DHX38: variants seen among roughly 807,000 people sequenced by gnomAD.
DHX38 encodes the protein DEAH-box helicase 38.
In DHX38, 100 loss-of-function variants were observed where a neutral mutation model predicts 153.1. The ratio of observed to expected loss-of-function variants is 0.65; its 90% CI spans 0.56 to 0.77. The LOEUF (loss-of-function observed/expected upper bound fraction) is 0.77. Among genes scored for constraint, DHX38 ranks in the 30% least tolerant of loss-of-function variants. The pLI is 0.00. For synonymous variants in DHX38, 650 were observed against 631.7 expected (o/e 1.03, Z -0.43); for missense variants, 1,440 against 1,654.0 (o/e 0.87, Z 2.24).
chr16:72,101,663 C>A (rs1165374919), intron 11 of DHX38, 51 bp downstream of exon 11: 4 of 1,482,996 alleles, frequency 2.7e-6, no homozygotes, highest in Non-Finnish European at 3.7e-6. Context: ...AGATGGGGGC[C>A]CATGTGGGCA....
At chr16:72,101,428 C>T in intron 10 of DHX38, 72 bp from the exon 11 acceptor site, 2 of 1,447,942 alleles carry the variant, frequency 1.4e-6, no homozygotes, top group Non-Finnish European at 1.9e-6. Context: ...AGTCTGCTCT[C>T]CCGTGGGATT....
At chr16:72,103,285 C>T in intron 12 of DHX38, 74 bp downstream of exon 12, 2 of 1,551,740 alleles carry the variant, frequency 1.3e-6, no homozygotes, top group Non-Finnish European at 8.7e-7. Context: ...TACCCAGGAG[C>T]TCTTTTTCTT....
Position 72,107,892 on chromosome 16 carries a change from A to G in DHX38, c.2964+93A>G. On this transcript the variant is annotated intron_variant, in intron 21 of 26. Transcript: ENST00000268482. The surrounding 1 kb of genome is among the most constrained non-coding windows in gnomAD (Gnocchi z 5.3). ...TCTCTGTATTACTGAAATGGAACAG[A>G]GGGCAGAATCAGAGTTTCTGAAGAA... 6.7e-7 allele frequency: 1 copy of G among 1,490,478 alleles called. No homozygotes were observed. Among genetic ancestry groups the G allele is most frequent in the East Asian group, 2.3e-5 (1 of 43,358 alleles). The allele number at this position is 1,490,478 out of a possible 1,614,324, so 92.3% of individuals were successfully genotyped here. A position where few individuals can be genotyped will look rare whatever the true frequency, so the allele number is the denominator to read the frequency against.
At chr16:72,108,746 G>A in intron 23 of DHX38, 54 bp from the exon 24 acceptor site, 4 of 1,601,086 alleles carry the variant, frequency 2.5e-6, no homozygotes, top group Non-Finnish European at 2.6e-6. Context: ...TGGGGTCGCT[G>A]CCCAAATGGG....
At position 72,112,483 on chromosome 16, in the gene DHX38, C is replaced by G. The variant is rs753324635; in HGVS notation, c.3670C>G (p.Arg1224Gly). The part of the protein sequence containing the change: ...EPMTPRRTPA[R>G]FGL ...CATGACCCCTCGCCGCACGCCAGCC[C>G]GCTTTGGTCTGTGAGCTGAGGCTGT... Residue 1224 changes from arginine (R) to glycine (G), a missense_variant, in exon 27 of 27, where the codon CGC becomes GGC. This residue lies in a region of DHX38 where 75 missense variants were observed against 69.5 expected (regional missense o/e 1.08). Coordinates refer to ENST00000268482, the MANE Select transcript of DHX38 (RefSeq NM_014003.4). The G allele has an allele frequency of 1.2e-6, 2 of 1,612,216 alleles. No individual in the cohort carries two copies. Among genetic ancestry groups the G allele is most frequent in the South Asian group, 2.2e-5 (2 of 91,084 alleles).
Position 72,107,900 on chromosome 16 carries a change from A to G in DHX38, c.2964+101A>G, listed in dbSNP as rs1048582916. The stretch of plus-strand genomic sequence containing the variant: ...TTACTGAAATGGAACAGAGGGCAGA[A>G]TCAGAGTTTCTGAAGAATGATTTTG... On this transcript the variant is annotated intron_variant, in intron 21 of 26. Coordinates refer to ENST00000268482, the MANE Select transcript of DHX38 (RefSeq NM_014003.4). This position sits in a 1 kb window ranked among gnomAD's most constrained non-coding sequence, Gnocchi z 5.3. The G allele has an allele frequency of 2.3e-5, 33 of 1,454,500 alleles. No individual in the cohort carries two copies. The African/African-American group carries it at 4.1e-4, about 18-fold the overall frequency. 90.1% of individuals were successfully genotyped at this position (1,454,500 alleles called of 1,614,324 possible).
In DHX38 at chr16:72,108,292, C is replaced by T. The variant is rs771672762; in HGVS notation, c.3030C>T (p.Thr1010=). Reference sequence around the variant, plus strand: ...CTGTTCCTGAGAGCGATCATTTGACCTACCTGAATGTTTACCTGCAGTGGA... The same window carrying T: ...CTGTTCCTGAGAGCGATCATTTGACTTACCTGAATGTTTACCTGCAGTGGA... ...KFAVPESDHL[T]YLNVYLQWKN... is the part of the protein sequence containing the mutation. The change falls in exon 22 of 27, where the codon ACC becomes ACT. Residue 1010 remains threonine, a synonymous_variant. Transcript: ENST00000268482. 2.6e-5 allele frequency: 42 copies of T among 1,614,004 alleles called. No homozygotes were observed. Among genetic ancestry groups the T allele is most frequent in the South Asian group, 4.4e-5 (4 of 91,080 alleles).
Position 72,103,078 on chromosome 16 carries a change from G to C in DHX38, c.1504G>C (p.Glu502Gln). 6.2e-7 allele frequency: 1 copy of C among 1,614,212 alleles called. No individual in the cohort carries two copies. Residue 502 changes from glutamate (E) to glutamine (Q), a missense_variant, in exon 12 of 27, where the codon GAG becomes CAG. Glu to Gln is a conservative substitution (Grantham distance 29). This residue lies in a region of DHX38 where 241 missense variants were observed against 229.5 expected (regional missense o/e 1.05). Coordinates refer to ENST00000268482, the MANE Select transcript of DHX38 (RefSeq NM_014003.4). Reference sequence around the variant, plus strand: ...TAGGCTGCTGTGTGTTCCTAGGACAGAGCAGAAGTTTGCAGATCACATGAA... The same window carrying C: ...TAGGCTGCTGTGTGTTCCTAGGACACAGCAGAAGTTTGCAGATCACATGAA... ...TEDGKVDYRT[E>Q]QKFADHMKRK...
Position 72,112,484 on chromosome 16 carries a change from G to A in DHX38, c.3671G>A (p.Arg1224His), listed in dbSNP as rs369140795. The change falls in exon 27 of 27, where the codon CGC becomes CAC. Residue 1224 changes from arginine (R) to histidine (H), a missense_variant. By Grantham distance (29) the Arg-to-His change is conservative (BLOSUM62 0). Around this residue, in one of 6 missense-constraint regions of DHX38, gnomAD observed 75 missense variants for 69.5 expected, o/e 1.08. Transcript: ENST00000268482. ...ATGACCCCTCGCCGCACGCCAGCCC[G>A]CTTTGGTCTGTGAGCTGAGGCTGTC... is the stretch of plus-strand genomic sequence containing the variant. ...EPMTPRRTPA[R>H]FGL is the part of the protein sequence containing the mutation. The A allele has an allele frequency of 5.6e-5, 90 of 1,612,024 alleles. No individual in the cohort carries two copies. Among genetic ancestry groups the A allele is most frequent in the Non-Finnish European group, 6.9e-5 (81 of 1,180,036 alleles).
intron 18 of DHX38, 57 bp from the exon 19 acceptor site, chr16:72,105,948 C>A: frequency 6.5e-7 from 1 of 1,532,490 alleles, no homozygotes; most frequent in Non-Finnish European, 9.0e-7. Context: ...TGTCTCAGGC[C>A]TACTTCCACT....
Position 72,097,071 on chromosome 16 carries a change from T to C in DHX38, c.511+62T>C, listed in dbSNP as rs1597438315. The C allele has an allele frequency of 2.6e-6, 4 of 1,528,690 alleles. No individual in the cohort carries two copies. The East Asian group carries it at 6.9e-5, about 26-fold the overall frequency. The allele number at this position is 1,528,690 out of a possible 1,614,324, so 94.7% of individuals were successfully genotyped here. A position where few individuals can be genotyped will look rare whatever the true frequency, so the allele number is the denominator to read the frequency against. On this transcript the variant is annotated intron_variant, in intron 3 of 26. Transcript: ENST00000268482. ...ATTCGAATAAATGTGTCAGCCTTTTTCTTGTTGCAGGAGTTTTTGCAACAC... is the reference window on the plus strand; with the variant it reads ...ATTCGAATAAATGTGTCAGCCTTTTCCTTGTTGCAGGAGTTTTTGCAACAC...
In DHX38 at chr16:72,104,367, T is replaced by C. The variant is rs1344012579; in HGVS notation, c.2011-119T>C. On this transcript the variant is annotated intron_variant, in intron 14 of 26. Transcript: ENST00000268482. This position sits in a 1 kb window ranked among gnomAD's most constrained non-coding sequence, Gnocchi z 4.5. ...CTTCAGTCTTCATGATTGGTAAGAA[T>C]TGAATAGGCCCATTTGTCAGCTTTG... The C allele has an allele frequency of 1.9e-5, 26 of 1,400,306 alleles. No homozygotes were observed. The highest frequency in any genetic ancestry group is 2.2e-5 in the Non-Finnish European group (23 of 1,041,738). The allele number at this position is 1,400,306 out of a possible 1,614,324, so 86.7% of individuals were successfully genotyped here.
At chr16:72,108,712 G>A in intron 23 of DHX38, 88 bp from the exon 24 acceptor site, 1 of 1,590,018 alleles carries the variant, frequency 6.3e-7, no homozygotes, top group South Asian at 1.1e-5. Context: ...TTCCGCCAAA[G>A]GCTGTGTCAA....
Position 72,104,656 on chromosome 16 carries a change from C to T in DHX38, c.2151+30C>T, listed in dbSNP as rs1320299899. ...TGAGGCCACCATGTTACGAACTGAC[C>T]CTTCCATGCCACGCACTTCTCTGAT... On this transcript the variant is annotated intron_variant, in intron 15 of 26. Transcript: ENST00000268482. The surrounding 1 kb of genome is among the most constrained non-coding windows in gnomAD (Gnocchi z 4.5). 1.2e-6 allele frequency: 2 copies of T among 1,613,480 alleles called. No homozygotes were observed.
chr16:72,103,433 C>G (rs2042127473), intron 12 of DHX38, among the ~76,000 whole-genome samples, 169 bp from the exon 13 acceptor site: 1 of 152,230 alleles, frequency 6.6e-6, no homozygotes, highest in Non-Finnish European at 1.5e-5. Flanking sequence ...CCAGATGTTT[C>G]AGGTGTTATC....
chr16:72,097,531 G>T (rs1327466686), intron 3 of DHX38, 146 bp from the exon 4 acceptor site: 8 of 674,464 alleles, frequency 1.2e-5, no homozygotes, highest in Non-Finnish European at 1.8e-5. Context: ...AATGGGGATA[G>T]GTGAGTTTCA....
chr16:72,101,670 G>T, intron 11 of DHX38, 58 bp downstream of exon 11: 1 of 1,402,832 alleles, frequency 7.1e-7, no homozygotes, highest in Non-Finnish European at 9.9e-7. Flanking sequence ...GGCCCATGTG[G>T]GCAGTTGCGG....
Position 72,096,199 on chromosome 16 carries a change from A to G in DHX38, c.42A>G (p.Glu14=), listed in dbSNP as rs1268551254. The G allele has an allele frequency of 6.8e-6, 11 of 1,610,540 alleles. No individual in the cohort carries two copies. The highest frequency in any genetic ancestry group is 9.3e-6 in the Non-Finnish European group (11 of 1,177,090). The change falls in exon 2 of 27, where the codon GAA becomes GAG. Residue 14 remains glutamate, a synonymous_variant. Coordinates refer to ENST00000268482, the MANE Select transcript of DHX38 (RefSeq NM_014003.4). The stretch of plus-strand genomic sequence containing the variant: ...AGGATGCCTCGATCCATCGATTGGA[A>G]GGCACTGATCTGGACTGTCAGGTTG... The part of the protein sequence containing the change: ...TSEDASIHRL[E]GTDLDCQVGG...
In DHX38 at chr16:72,111,012, G is replaced by A; in HGVS notation, c.3534G>A (p.Leu1178=). ...CTGCCATGGAGGAGGAGATGGCGCTGGCCGAGGAGCAGCTGCGAGCCCGGC... is the reference window on the plus strand; with the variant it reads ...CTGCCATGGAGGAGGAGATGGCGCTAGCCGAGGAGCAGCTGCGAGCCCGGC... The part of the protein sequence containing the change: ...EASAMEEEMA[L]AEEQLRARRQ... Residue 1178 remains leucine (L), a synonymous_variant, in exon 26 of 27, where the codon CTG becomes CTA. Coordinates refer to ENST00000268482, the MANE Select transcript of DHX38 (RefSeq NM_014003.4). 2 of 1,586,356 alleles carry A rather than the reference G, an allele frequency of 1.3e-6. No homozygotes were observed. The highest frequency in any genetic ancestry group is 2.3e-5 in the East Asian group (1 of 43,624).
Sources: allele counts gnomAD v4.1 joint callset (sites outside exome capture counted in the v4.1 genomes callset), GRCh38; gene constraint gnomAD v4.1.1; regional missense constraint gnomAD v4.1.1; non-coding constraint Gnocchi (gnomAD v3.1); transcripts MANE v1.5; gene names NCBI Gene and HGNC (gene_info 2026-07-23, HGNC 2026-07-21).